The following NFIC variants were observed in gnomAD, a reference collection of about 807,000 sequenced individuals.
The protein encoded by NFIC is nuclear factor I C.
Under a neutral mutation model 54.4 loss-of-function variants are expected in NFIC, and 12 were observed. The observed-to-expected ratio is 0.22, with a 90% CI of 0.14 to 0.36. NFIC has a LOEUF of 0.36. Among genes scored for constraint, NFIC ranks in the 10% least tolerant of loss-of-function variants. NFIC has a pLI of 1.00. For missense variants in NFIC, 575 were observed against 718.2 expected (o/e 0.80, Z 2.28); for synonymous variants, 322 against 319.2 (o/e 1.01, Z -0.09).
intron 2 of NFIC, among the ~76,000 whole-genome samples, chr19:3,406,900 A>C (rs1023678253): frequency 3.9e-5 from 6 of 152,074 alleles, no homozygotes; most frequent in African/African-American, 1.4e-4. Flanking sequence ...TGTTCCAAGC[A>C]GTGTGCACAG....
intron 1 of NFIC, among the ~76,000 whole-genome samples, chr19:3,379,855 T>C (rs1019964493): frequency 4.6e-5 from 7 of 151,226 alleles, no homozygotes; most frequent in African/African-American, 1.5e-4. Flanking sequence ...TAGCTAAGTT[T>C]TGATTTTGTA....
intron 10 of NFIC, among the ~76,000 whole-genome samples, chr19:3,460,172 G>A (rs1220677615): frequency 6.6e-6 from 1 of 152,232 alleles, no homozygotes; most frequent in Non-Finnish European, 1.5e-5. Context: ...GCCCCCCTGT[G>A]CTTAGTGAGC....
intron 3 of NFIC, among the ~76,000 whole-genome samples, chr19:3,432,484 A>T (rs2082134893): frequency 6.6e-6 from 1 of 152,104 alleles, no homozygotes; most frequent in African/African-American, 2.4e-5. Flanking sequence ...CAGTGTGTAA[A>T]GCAAGCCAGC....
At position 3,463,147 on chromosome 19, in the gene NFIC, A is replaced by G. The variant is rs2121968227; in HGVS notation, c.*378A>G. 1.8e-6 allele frequency: 2 copies of G among 1,105,124 alleles called. No homozygotes were observed. Among genetic ancestry groups the G allele is most frequent in the Non-Finnish European group, 2.2e-6 (2 of 906,366 alleles). 68.5% of individuals were successfully genotyped at this position (1,105,124 alleles called of 1,614,324 possible). The stretch of plus-strand genomic sequence containing the variant: ...CCTCTCCGCCTGCTGCTCGGGAAGG[A>G]CAGACGCCGGCCGCCCGCCCGCGCC... On this transcript the variant is annotated 3_prime_UTR_variant, in exon 11 of 11. Transcript: ENST00000443272.
chr19:3,387,972 C>T (rs1018851608), intron 2 of NFIC, among the ~76,000 whole-genome samples: 9 of 152,188 alleles, frequency 5.9e-5, no homozygotes, highest in East Asian at 1.9e-4. Context: ...GAGGCGCGGG[C>T]GGGCACCGTG....
Position 3,384,423 on chromosome 19 carries a change from CT to C in NFIC, c.562+2181del, listed in dbSNP as rs764265132. 4.3e-4 allele frequency among the ~76,000 whole-genome samples: 65 copies of C among 151,680 alleles called. 1 individual carries two copies. Among genetic ancestry groups the C allele is most frequent in the Non-Finnish European group, 1.9e-4 (13 of 67,930 alleles). On this transcript the variant is annotated intron_variant, in intron 2 of 10. Coordinates refer to ENST00000443272, the MANE Select transcript of NFIC (RefSeq NM_001245002.2). ...CTTTTTTTGGAGATGGAGTTTCGCC[CT>C]GTTCCCCGGGCTGGAGTCCAGTGAC...
chr19:3,433,696 AC>A (rs3833877), intron 4 of NFIC, 104 bp downstream of exon 4: 283,330 of 1,256,992 alleles, frequency 0.23, 38,373 homozygotes, highest in East Asian at 0.58. Flanking sequence ...TTTCCAGACA[AC>A]CCCCTGTGTC....
intron 2 of NFIC, among the ~76,000 whole-genome samples, chr19:3,395,284 G>A (rs1424889312): frequency 2.0e-5 from 3 of 151,904 alleles, no homozygotes; most frequent in South Asian, 2.1e-4. Flanking sequence ...ACTTCAATCC[G>A]GGAGGCAGAG....
At chr19:3,461,767 A>C (rs1382358350) in intron 10 of NFIC, among the ~76,000 whole-genome samples, 2 of 151,474 alleles carry the variant, frequency 1.3e-5, no homozygotes. Context: ...TTAAAATATA[A>C]AATAAAGGCC....
At chr19:3,454,060 T>C in intron 9 of NFIC, 144 bp downstream of exon 9, 1 of 1,379,454 alleles carries the variant, frequency 7.2e-7, no homozygotes, top group South Asian at 1.7e-5. Context: ...AACAGCCCAG[T>C]GGCCACGTGG....
chr19:3,418,623 A>G (rs2081905470), intron 2 of NFIC, among the ~76,000 whole-genome samples: 1 of 152,116 alleles, frequency 6.6e-6, no homozygotes, highest in Non-Finnish European at 1.5e-5. Context: ...AGGCCGAGGC[A>G]GGAGGATCAC....
At chr19:3,368,398 C>T (rs999123499) in intron 1 of NFIC, among the ~76,000 whole-genome samples, 4 of 152,114 alleles carry the variant, frequency 2.6e-5, no homozygotes, top group Admixed American at 6.5e-5. Flanking sequence ...ATTGCTAACT[C>T]GGCCTCAGTT....
At chr19:3,428,410 C>T (rs1240224150) in intron 3 of NFIC, among the ~76,000 whole-genome samples, 2 of 151,448 alleles carry the variant, frequency 1.3e-5, no homozygotes, top group African/African-American at 4.9e-5. Flanking sequence ...CGAGATCACG[C>T]CACTGCACTC....
intron 3 of NFIC, among the ~76,000 whole-genome samples, chr19:3,425,744 G>A (rs752935146): frequency 6.6e-6 from 1 of 151,082 alleles, no homozygotes; most frequent in South Asian, 2.1e-4. Context: ...ACAGGCATGA[G>A]CCACCGTGCC....
chr19:3,416,770 G>A (rs1425850375), intron 2 of NFIC, among the ~76,000 whole-genome samples: 2 of 151,594 alleles, frequency 1.3e-5, no homozygotes, highest in African/African-American at 2.4e-5. Flanking sequence ...GTGATCCACC[G>A]CCTCGGCCTC....
intron 10 of NFIC, among the ~76,000 whole-genome samples, chr19:3,457,717 G>A (rs1229155406): frequency 1.3e-5 from 2 of 152,146 alleles, no homozygotes; most frequent in Non-Finnish European, 2.9e-5. Flanking sequence ...ACTGAGGGAG[G>A]TTTCCTGCTG....
rs2082722102 is a variant in NFIC, at chr19:3,466,750, C to T, written c.*3981C>T. On this transcript the variant is annotated 3_prime_UTR_variant, in exon 11 of 11. Transcript: ENST00000443272. The surrounding 1 kb of genome is among the most constrained non-coding windows in gnomAD (Gnocchi z 4.8). ...GCAAAGGGAGTGGGTGGCCCCATCA[C>T]TATTGGGACCATCGCGTCCCTGCAC... The T allele has an allele frequency of 6.6e-6, 1 of 152,036 alleles. No individual in the cohort carries two copies. The highest frequency in any genetic ancestry group is 2.4e-5 in the African/African-American group (1 of 41,376). 9.4% of individuals were successfully genotyped at this position (152,036 alleles called of 1,614,324 possible).
At position 3,453,369 on chromosome 19, in the gene NFIC, A is replaced by G. The variant is rs547974625; in HGVS notation, c.1270-394A>G. ...GCTTTGGATGTTCAGAGCTTTTCGGACTTTGGAACCACGGGCCAGGCCGTG... is the reference window on the plus strand; with the variant it reads ...GCTTTGGATGTTCAGAGCTTTTCGGGCTTTGGAACCACGGGCCAGGCCGTG... On this transcript the variant is annotated intron_variant, in intron 8 of 10. Transcript: ENST00000443272. The surrounding 1 kb of genome is among the most constrained non-coding windows in gnomAD (Gnocchi z 6.7). Among the ~76,000 whole-genome samples, 25 of 152,260 alleles carry G rather than the reference A, an allele frequency of 1.6e-4. No homozygotes were observed. The East Asian group carries it at 4.6e-3, about 28-fold the overall frequency.
intron 6 of NFIC, among the ~76,000 whole-genome samples, chr19:3,438,337 A>G (rs2082237573): frequency 6.6e-6 from 1 of 151,560 alleles, no homozygotes; most frequent in Non-Finnish European, 1.5e-5. Context: ...GGAATCGCAG[A>G]GCTAGCAGGG....
Sources: gnomAD v4.1 joint callset for allele counts (sites outside exome capture counted in the v4.1 genomes callset) on GRCh38, gnomAD v4.1.1 for gene constraint, Gnocchi (gnomAD v3.1) non-coding constraint, MANE v1.5 for transcripts, NCBI Gene and HGNC (gene_info 2026-07-23, HGNC 2026-07-21) for gene names.